The following GZF1 variants were observed in gnomAD, a reference collection of about 807,000 sequenced individuals.
GZF1 encodes GDNF-inducible zinc finger protein 1.
Under a neutral mutation model 49.4 loss-of-function variants are expected in GZF1, and 28 were observed. The ratio of observed to expected loss-of-function variants is 0.57; its 90% confidence interval spans 0.42 to 0.78. GZF1 has a LOEUF of 0.78. GZF1 is among the 30% of genes least tolerant of loss of function. GZF1 has a pLI of 0.00. For missense variants in GZF1, 798 were observed against 916.2 expected (o/e 0.87, Z 1.67); for synonymous variants, 364 against 356.0 (o/e 1.02, Z -0.25).
In GZF1 at chr20:23,364,681, C is replaced by A; in HGVS notation, c.298C>A (p.Gln100Lys). ...TGAGTTTGTCTACACTGCAAAGGTACAGGTGGAAGAAGATCGGGTGCAGCG... is the reference window on the plus strand; with the variant it reads ...TGAGTTTGTCTACACTGCAAAGGTAAAGGTGGAAGAAGATCGGGTGCAGCG... Reference protein sequence around the residue: ...FLEFVYTAKVQVEEDRVQRML... With the variant: ...FLEFVYTAKVKVEEDRVQRML... The change falls in exon 2 of 6, where the codon CAG (glutamine) becomes AAG (lysine). Residue 100 changes from glutamine to lysine, a missense_variant. Coordinates refer to ENST00000338121, the MANE Select transcript of GZF1 (RefSeq NM_022482.5). 6.2e-7 allele frequency: 1 copy of A among 1,614,244 alleles called. No homozygotes were observed. Among genetic ancestry groups the A allele is most frequent in the South Asian group, 1.1e-5 (1 of 91,090 alleles).
chr20:23,368,658 C>G lies in GZF1; in HGVS notation c.1460-104C>G, dbSNP rs191719479. 314 of 657,180 alleles carry G rather than the reference C, an allele frequency of 4.8e-4. 4 individuals are homozygous for G. In the East Asian group the frequency reaches 9.1e-3, roughly 19 times the overall value. 40.7% of individuals were successfully genotyped at this position (657,180 alleles called of 1,614,324 possible). Reference sequence around the variant, plus strand: ...CTGGAAAATGTAACATGCTGCCTACCAAGGCACTTTTGAGTTCACGTGGGT... The same window carrying G: ...CTGGAAAATGTAACATGCTGCCTACGAAGGCACTTTTGAGTTCACGTGGGT... On this transcript the variant is annotated intron_variant, in intron 3 of 5. Coordinates refer to ENST00000338121, the MANE Select transcript of GZF1 (RefSeq NM_022482.5).
intron 2 of GZF1, among the ~76,000 whole-genome samples, chr20:23,365,989 CA>C (rs1981327184): frequency 1.3e-5 from 2 of 152,244 alleles, no homozygotes; most frequent in Non-Finnish European, 2.9e-5. Flanking sequence ...GGGACCGCGA[CA>C]GCGGCCGCGG....
At position 23,372,755 on chromosome 20, in the gene GZF1, G is replaced by A. The variant is rs369255456; in HGVS notation, c.*2314G>A. 3 of 152,196 alleles carry A rather than the reference G, an allele frequency of 2.0e-5. No individual in the cohort carries two copies. Among genetic ancestry groups the A allele is most frequent in the Non-Finnish European group, 2.9e-5 (2 of 68,064 alleles). The allele number at this position is 152,196 out of a possible 1,614,324, so 9.4% of individuals were successfully genotyped here. ...GTAATGAGGAAAGTGGCCAGGTGCC[G>A]GCACAGTGCCTCTCCCAGAGCCTCA... On this transcript the variant is annotated 3_prime_UTR_variant, in exon 6 of 6. Coordinates refer to ENST00000338121, the MANE Select transcript of GZF1 (RefSeq NM_022482.5).
intron 3 of GZF1, 51 bp downstream of exon 3, chr20:23,367,148 A>G (rs778594653): frequency 7.8e-7 from 1 of 1,289,818 alleles, no homozygotes; most frequent in Admixed American, 1.7e-5. Context: ...TCTAGAAGGA[A>G]ATGCAATTGA....
At position 23,370,600 on chromosome 20, in the gene GZF1, C is replaced by T; in HGVS notation, c.*159C>T. Reference sequence around the variant, plus strand: ...TCTGCTAACTTGCACGGCTTTATCACAGCATTTTTAAAGCTTTCCCTCAAA... The same window carrying T: ...TCTGCTAACTTGCACGGCTTTATCATAGCATTTTTAAAGCTTTCCCTCAAA... On this transcript the variant is annotated 3_prime_UTR_variant, in exon 6 of 6. Transcript: ENST00000338121. The T allele has an allele frequency of 1.6e-6, 1 of 609,546 alleles. No homozygotes were observed. Among genetic ancestry groups the T allele is most frequent in the South Asian group, 2.0e-5 (1 of 49,052 alleles). The allele number at this position is 609,546 out of a possible 1,614,324, so 37.8% of individuals were successfully genotyped here. A position where few individuals can be genotyped will look rare whatever the true frequency, so the allele number is the denominator to read the frequency against.
intron 1 of GZF1, chr20:23,362,947 A>G (rs1980865795): frequency 6.6e-6 from 1 of 152,252 alleles, no homozygotes; most frequent in Admixed American, 6.5e-5. Flanking sequence ...TGGGGCTGGG[A>G]CCACTGAAAC....
At chr20:23,362,268 GC>G (rs1486333636) in intron 1 of GZF1, 31 bp downstream of exon 1, 3 of 152,242 alleles carry the variant, frequency 2.0e-5, no homozygotes, top group East Asian at 3.9e-4. Flanking sequence ...CCTGGCTCCG[GC>G]CCCTCGCCGC....
rs376790566 is a variant in GZF1, at chr20:23,364,884, G to A, written c.501G>A (p.Val167=). 6.2e-7 allele frequency: 1 copy of A among 1,614,102 alleles called. No homozygotes were observed. Among genetic ancestry groups the A allele is most frequent in the African/African-American group, 1.3e-5 (1 of 74,948 alleles). The part of the protein sequence containing the change: ...VSAAPAPRAS[V]ATDGPHPSGL... Reference sequence around the variant, plus strand: ...CTGCTCCTGCCCCCAGGGCAAGTGTGGCCACCGATGGCCCTCACCCCAGTG... The same window carrying A: ...CTGCTCCTGCCCCCAGGGCAAGTGTAGCCACCGATGGCCCTCACCCCAGTG... The change falls in exon 2 of 6, where the codon GTG becomes GTA. Residue 167 remains valine, a synonymous_variant. Transcript: ENST00000338121.
intron 3 of GZF1, among the ~76,000 whole-genome samples, chr20:23,367,623 C>T (rs966352261): frequency 6.6e-6 from 1 of 152,178 alleles, no homozygotes; most frequent in African/African-American, 2.4e-5. Context: ...ATTAAGCATA[C>T]AGTTAACCTC....
Position 23,372,228 on chromosome 20 carries a change from TAATA to T in GZF1, c.*1791_*1794del, listed in dbSNP as rs1300080763. The T allele has an allele frequency of 5.9e-5, 9 of 152,784 alleles. No individual in the cohort carries two copies. The highest frequency in any genetic ancestry group is 2.1e-4 in the South Asian group (1 of 4,832). The allele number at this position is 152,784 out of a possible 1,614,324, so 9.5% of individuals were successfully genotyped here. ...TAGAAATTCTACAAAAAAATGTTGT[TAATA>T]AATGTCTGCTTTGTAAAAGCAGTTT... On this transcript the variant is annotated 3_prime_UTR_variant, in exon 6 of 6. Coordinates refer to ENST00000338121, the MANE Select transcript of GZF1 (RefSeq NM_022482.5).
At position 23,364,521 on chromosome 20, in the gene GZF1, C is replaced by T. The variant is rs1261212380; in HGVS notation, c.138C>T (p.Phe46=). Residue 46 remains phenylalanine, a synonymous_variant, in exon 2 of 6, where the codon TTC becomes TTT. Transcript: ENST00000338121. ...AGTATCAGGGTGTCCGCAAAGACTT[C>T]ATGGCCCACAAGGCAGTGCTGGCTG... is the stretch of plus-strand genomic sequence containing the variant. ...SVEYQGVRKD[F]MAHKAVLAAT... is the part of the protein sequence containing the mutation. 2 of 1,614,132 alleles carry T rather than the reference C, an allele frequency of 1.2e-6. No homozygotes were observed. Among genetic ancestry groups the T allele is most frequent in the African/African-American group, 2.7e-5 (2 of 74,942 alleles).
chr20:23,362,041 ACCG>A (rs1980711181), upstream of GZF1: 1 of 152,110 alleles, frequency 6.6e-6, no homozygotes, highest in Admixed American at 6.5e-5. Context: ...AACTGCCCGA[ACCG>A]CTCCGCCGCC....
In GZF1 at chr20:23,364,692, A is replaced by T; in HGVS notation, c.309A>T (p.Glu103Asp). Residue 103 changes from glutamate to aspartate, a missense_variant, in exon 2 of 6, where the codon GAA (glutamate) becomes GAT (aspartate). Around this residue, in one of 3 missense-constraint regions of GZF1, gnomAD observed 105 missense variants for 147.5 expected, o/e 0.71. Coordinates refer to ENST00000338121, the MANE Select transcript of GZF1 (RefSeq NM_022482.5). ...ACACTGCAAAGGTACAGGTGGAAGA[A>T]GATCGGGTGCAGCGAATGCTGGAAG... Reference protein sequence around the residue: ...FVYTAKVQVEEDRVQRMLEVA... With the variant: ...FVYTAKVQVEDDRVQRMLEVA... 2 of 1,614,290 alleles carry T rather than the reference A, an allele frequency of 1.2e-6. No individual in the cohort carries two copies. The highest frequency in any genetic ancestry group is 1.7e-6 in the Non-Finnish European group (2 of 1,180,044).
At chr20:23,369,763 T>C (rs1292374928) in intron 5 of GZF1, 22 bp downstream of exon 5, 1 of 1,592,740 alleles carries the variant, frequency 6.3e-7, no homozygotes, top group Admixed American at 1.7e-5. Flanking sequence ...GTTGGCTTAT[T>C]TGAGAAACAA....
In GZF1 at chr20:23,370,007, G is replaced by T. The variant is rs186887565; in HGVS notation, c.1786-84G>T. 1.6e-4 allele frequency: 190 copies of T among 1,193,438 alleles called. No homozygotes were observed. The African/African-American group carries it at 1.6e-3, about 10-fold the overall frequency. 73.9% of individuals were successfully genotyped at this position (1,193,438 alleles called of 1,614,324 possible). A position where few individuals can be genotyped will look rare whatever the true frequency, so the allele number is the denominator to read the frequency against. ...TACTTATTAGTGAAAGTTGAAAATT[G>T]AAGTTGTAGAGGGACTATTGTTTTA... On this transcript the variant is annotated intron_variant, in intron 5 of 5. Coordinates refer to ENST00000338121, the MANE Select transcript of GZF1 (RefSeq NM_022482.5).
rs1393611236 is a variant in GZF1, at chr20:23,370,301, G to A, written c.1996G>A (p.Ala666Thr). The A allele has an allele frequency of 1.9e-6, 3 of 1,614,032 alleles. No individual in the cohort carries two copies. The highest frequency in any genetic ancestry group is 1.7e-5 in the Admixed American group (1 of 60,008). The stretch of plus-strand genomic sequence containing the variant: ...ACCTACCATGCAGGAGAACAGTTCT[G>A]CTGACACAGCCTGCAAGGCAGATGA... ...TVPTMQENSSADTACKADDSV... is the reference protein window; with the variant it reads ...TVPTMQENSSTDTACKADDSV... Residue 666 changes from alanine (A) to threonine (T), a missense_variant, in exon 6 of 6, where the codon GCT becomes ACT. By Grantham distance (58) the Ala-to-Thr change is moderately conservative. Transcript: ENST00000338121.
chr20:23,364,693 G>C lies in GZF1; in HGVS notation c.310G>C (p.Asp104His), dbSNP rs779791091. 1.2e-6 allele frequency: 2 copies of C among 1,614,280 alleles called. No homozygotes were observed. The highest frequency in any genetic ancestry group is 1.7e-6 in the Non-Finnish European group (2 of 1,180,044). ...CACTGCAAAGGTACAGGTGGAAGAA[G>C]ATCGGGTGCAGCGAATGCTGGAAGT... ...VYTAKVQVEE[D>H]RVQRMLEVAE... The change falls in exon 2 of 6, where the codon GAT (aspartate) becomes CAT (histidine). Residue 104 changes from aspartate to histidine, a missense_variant. By Grantham distance (81) the Asp-to-His change is moderately conservative (BLOSUM62 -1). Transcript: ENST00000338121.
intron 4 of GZF1, 144 bp from the exon 5 acceptor site, chr20:23,369,440 G>T: frequency 1.4e-6 from 1 of 698,666 alleles, no homozygotes; most frequent in Non-Finnish European, 2.4e-6. Context: ...TAGCCCTTAA[G>T]TTGTTCCCAA....
intron 4 of GZF1, 151 bp from the exon 5 acceptor site, chr20:23,369,433 C>T (rs970303798): frequency 1.5e-6 from 1 of 658,952 alleles, no homozygotes; most frequent in African/African-American, 1.8e-5. Context: ...GGATTTGTAG[C>T]CCTTAAGTTG....
Sources: allele counts gnomAD v4.1 joint callset (sites outside exome capture counted in the v4.1 genomes callset), GRCh38; gene constraint gnomAD v4.1.1; regional missense constraint gnomAD v4.1.1; transcripts MANE v1.5; gene names NCBI Gene and HGNC (gene_info 2026-07-23, HGNC 2026-07-21).